Variants in URB1 observed in about 807,000 individuals in gnomAD.
URB1 encodes the protein nucleolar pre-ribosomal-associated protein 1.
A neutral mutation model predicts 242.3 loss-of-function variants in URB1; 197 were observed. That is an observed-to-expected ratio of 0.81 (90% CI 0.72 to 0.91). The LOEUF (loss-of-function observed/expected upper bound fraction) is 0.91. Ranked by LOEUF, URB1 falls within the 40% of genes least tolerant of loss-of-function variation. The pLI, the probability that URB1 is intolerant of heterozygous loss-of-function variation, is 0.00. For synonymous variants in URB1, 1,153 were observed against 1,201.8 expected (o/e 0.96, Z 0.84); for missense variants, 2,721 against 2,860.5 (o/e 0.95, Z 1.11).
intron 2 of URB1, among the ~76,000 whole-genome samples, chr21:32,385,123 A>G (rs2033569801): frequency 6.6e-6 from 1 of 152,270 alleles, no homozygotes; most frequent in Non-Finnish European, 1.5e-5. Context: ...ATTCAGATCT[A>G]CATCCTTATA....
chr21:32,349,158 G>A (rs1601137894), intron 21 of URB1, 146 bp downstream of exon 21: 5 of 1,103,562 alleles, frequency 4.5e-6, no homozygotes, highest in Non-Finnish European at 3.7e-6. Flanking sequence ...CTGGGCGGGT[G>A]CCAGGAAGTT....
In URB1 at chr21:32,384,588, C is replaced by G. The variant is rs1015179453; in HGVS notation, c.283-124G>C. The stretch of plus-strand genomic sequence containing the variant: ...AAAGCCTTCAACATGCAGGATGACG[C>G]CCACCCAGATCCTGAGTCAAACGCG... On this transcript the variant is annotated intron_variant, in intron 2 of 38. Coordinates refer to ENST00000382751, the MANE Select transcript of URB1 (RefSeq NM_014825.3). 6 of 1,273,236 alleles carry G rather than the reference C, an allele frequency of 4.7e-6. No individual in the cohort carries two copies. In the African/African-American group the frequency reaches 9.0e-5, roughly 19 times the overall value. 78.9% of individuals were successfully genotyped at this position (1,273,236 alleles called of 1,614,324 possible).
intron 31 of URB1, 64 bp downstream of exon 31, chr21:32,325,165 C>T (rs1329309913): frequency 6.7e-7 from 1 of 1,490,690 alleles, no homozygotes; most frequent in Non-Finnish European, 9.0e-7. Context: ...ACCGGGTGGA[C>T]AGCCAGCTCT....
intron 31 of URB1, among the ~76,000 whole-genome samples, 171 bp from the exon 32 acceptor site, chr21:32,324,773 C>T (rs2833767): frequency 0.076 from 11,644 of 152,234 alleles, 535 homozygotes; most frequent in Middle Eastern, 0.14. Context: ...CCAGCATCTC[C>T]GGAACGCTTT....
intron 30 of URB1, among the ~76,000 whole-genome samples, chr21:32,328,184 C>T (rs567362037): frequency 6.6e-6 from 1 of 152,366 alleles, no homozygotes; most frequent in Non-Finnish European, 1.5e-5. Context: ...GTCGCCCAGG[C>T]TGGAGTGCAG....
Position 32,311,942 on chromosome 21 carries a change from G to A in URB1, c.*2976C>T, listed in dbSNP as rs376924425. 3.1e-6 allele frequency: 5 copies of A among 1,613,536 alleles called. No homozygotes were observed. The highest frequency in any genetic ancestry group is 1.7e-5 in the Admixed American group (1 of 60,014). On this transcript the variant is annotated 3_prime_UTR_variant, in exon 39 of 39. Coordinates refer to ENST00000382751, the MANE Select transcript of URB1 (RefSeq NM_014825.3). ...CCCTCAATGGGGGTCCCCTCGTCAG[G>A]AGCAAGCCCAGCGAGCCTCCCCCTG... is the stretch of plus-strand genomic sequence containing the variant.
rs115567881 is a variant in URB1, at chr21:32,320,800, G to A, written c.5485-160C>T. On this transcript the variant is annotated intron_variant, in intron 34 of 38. Transcript: ENST00000382751. ...GTCAGAGCGGTGGCCATGTACGAAC[G>A]TGCCCTTCCCTACAAGAGACAGCCA... is the stretch of plus-strand genomic sequence containing the variant. Among the ~76,000 whole-genome samples, 896 of 152,296 alleles carry A rather than the reference G, an allele frequency of 5.9e-3. 10 individuals are homozygous for A. The highest frequency in any genetic ancestry group is 0.021 in the African/African-American group (854 of 41,570).
rs981689200 is a variant in URB1, at chr21:32,380,485, C to T, written c.568-1944G>A. Among the ~76,000 whole-genome samples the T allele has an allele frequency of 3.9e-5, 6 of 152,288 alleles. No homozygotes were observed. In the East Asian group the frequency reaches 5.8e-4, roughly 15 times the overall value. Reference sequence around the variant, plus strand: ...TGGTGCTGAGAATGTGCAGCACTTCCATAGTGTCAGCAACACTCCAGTGCC... The same window carrying T: ...TGGTGCTGAGAATGTGCAGCACTTCTATAGTGTCAGCAACACTCCAGTGCC... On this transcript the variant is annotated intron_variant, in intron 4 of 38. Coordinates refer to ENST00000382751, the MANE Select transcript of URB1 (RefSeq NM_014825.3).
intron 10 of URB1, among the ~76,000 whole-genome samples, chr21:32,364,946 G>A (rs1042740461): frequency 6.6e-6 from 1 of 150,970 alleles, no homozygotes; most frequent in Non-Finnish European, 1.5e-5. Flanking sequence ...GGCCCTGCAG[G>A]GCATGGCAAT....
Position 32,361,071 on chromosome 21 carries a change from G to C in URB1, c.1692C>G (p.Leu564=), listed in dbSNP as rs1006145317. The change falls in exon 13 of 39, where the codon CTC becomes CTG. Residue 564 remains leucine (L), a synonymous_variant. Coordinates refer to ENST00000382751, the MANE Select transcript of URB1 (RefSeq NM_014825.3). Reference sequence around the variant, plus strand: ...CCACGTGGGGGACCACCTTCTGGTAGAGGCATATGACCTGGAGCAAAACAG... The same window carrying C: ...CCACGTGGGGGACCACCTTCTGGTACAGGCATATGACCTGGAGCAAAACAG... ...LKAVLLQVIC[L]YQKVVPHVVM... 3 of 1,551,016 alleles carry C rather than the reference G, an allele frequency of 1.9e-6. No individual in the cohort carries two copies. The highest frequency in any genetic ancestry group is 2.7e-5 in the African/African-American group (2 of 72,886).
chr21:32,355,908 G>C (rs1261360229), intron 15 of URB1, among the ~76,000 whole-genome samples: 1 of 152,180 alleles, frequency 6.6e-6, no homozygotes, highest in Non-Finnish European at 1.5e-5. Context: ...ACCACACCCA[G>C]CCTACAGGAC....
intron 10 of URB1, 39 bp from the exon 11 acceptor site, chr21:32,363,368 G>A (rs1045633587): frequency 1.3e-6 from 2 of 1,538,854 alleles, no homozygotes; most frequent in African/African-American, 2.7e-5. Flanking sequence ...ATGTCTCTAG[G>A]ATACACAGAT....
intron 5 of URB1, 42 bp downstream of exon 5, chr21:32,378,403 A>G (rs2033483822): frequency 1.3e-6 from 2 of 1,532,064 alleles, no homozygotes; most frequent in Non-Finnish European, 1.8e-6. Flanking sequence ...TAGGTTTTTC[A>G]AAACAAATGG....
intron 26 of URB1, among the ~76,000 whole-genome samples, chr21:32,338,205 C>T (rs546920766): frequency 6.6e-6 from 1 of 152,272 alleles, no homozygotes; most frequent in African/African-American, 2.4e-5. Context: ...CTCTGACATC[C>T]GACCTGTGAG....
chr21:32,357,510 A>T, intron 15 of URB1, 27 bp downstream of exon 15: 1 of 1,477,438 alleles, frequency 6.8e-7, no homozygotes, highest in Non-Finnish European at 8.9e-7. Flanking sequence ...TGCTTTTCAG[A>T]GTTAGAAACT....
rs1409819113 is a variant in URB1, at chr21:32,366,668, T to C, written c.1285A>G (p.Thr429Ala). The change falls in exon 10 of 39, where the codon ACC becomes GCC. Residue 429 changes from threonine to alanine, a missense_variant. By Grantham distance (58) the Thr-to-Ala change is moderately conservative (BLOSUM62 0). Transcript: ENST00000382751. ...LPRLLAMVMV[T>A]TVPLVCNKSM... ...TTATTGCACACCAGGGGCACGGTGGTCACCATCACCATTGCCAGGAGCCGA... is the reference window on the plus strand; with the variant it reads ...TTATTGCACACCAGGGGCACGGTGGCCACCATCACCATTGCCAGGAGCCGA... The C allele has an allele frequency of 6.4e-7, 1 of 1,551,452 alleles. No individual in the cohort carries two copies. The highest frequency in any genetic ancestry group is 8.7e-7 in the Non-Finnish European group (1 of 1,146,840).
At chr21:32,369,396 G>A (rs186460589) in intron 8 of URB1, among the ~76,000 whole-genome samples, 35 of 152,290 alleles carry the variant, frequency 2.3e-4, no homozygotes, top group Admixed American at 4.6e-4. Flanking sequence ...ACATATGTGA[G>A]TGTGAGTGTA....
Position 32,319,316 on chromosome 21 carries a change from C to G in URB1, c.5693G>C (p.Arg1898Pro), listed in dbSNP as rs1287941853. The change falls in exon 36 of 39, where the codon CGC becomes CCC. Residue 1898 changes from arginine to proline, a missense_variant. Coordinates refer to ENST00000382751, the MANE Select transcript of URB1 (RefSeq NM_014825.3). ...GDKAVEWESQ[R>P]LCQPSSQEPA... ...CTCCTGGGAGCTAGGCTGGCAAAGG[C>G]GCTGGCTCTCCCACTCCACTGCCTT... 1 of 1,551,162 alleles carries G rather than the reference C, an allele frequency of 6.4e-7. No individual in the cohort carries two copies. The highest frequency in any genetic ancestry group is 8.7e-7 in the Non-Finnish European group (1 of 1,146,782).
In URB1 at chr21:32,316,541, C is replaced by T. The variant is rs956617629; in HGVS notation, c.6559G>A (p.Ala2187Thr). The T allele has an allele frequency of 2.6e-6, 4 of 1,550,780 alleles. No individual in the cohort carries two copies. Among genetic ancestry groups the T allele is most frequent in the Admixed American group, 2.0e-5 (1 of 50,952 alleles). Residue 2187 changes from alanine (A) to threonine (T), a missense_variant, in exon 38 of 39, where the codon GCA becomes ACA. Ala to Thr is a moderately conservative substitution (Grantham distance 58). Transcript: ENST00000382751. ...ATGGCCGGGTGGAAGGGGCTCCCTG[C>T]CCGGCCCTGGGCAGCCACCAGCTGC... ...MLQLVAAQGRAGSPFHPAMEA... is the reference protein window; with the variant it reads ...MLQLVAAQGRTGSPFHPAMEA...
Sources: allele counts gnomAD v4.1 joint callset (sites outside exome capture counted in the v4.1 genomes callset), GRCh38; gene constraint gnomAD v4.1.1; transcripts MANE v1.5; gene names NCBI Gene and HGNC (gene_info 2026-07-23, HGNC 2026-07-21).